Variants in KDM6A observed in about 807,000 individuals in gnomAD.
KDM6A encodes the protein lysine demethylase 6A.
Under a neutral mutation model 117.6 loss-of-function variants are expected in KDM6A, and 11 were observed. The ratio of observed to expected loss-of-function variants is 0.09; its 90% CI spans 0.06 to 0.15. The LOEUF (loss-of-function observed/expected upper bound fraction) is 0.15, where lower values mean the gene tolerates loss of function less well. Ranked by LOEUF, KDM6A falls within the 10% of genes least tolerant of loss-of-function variation. The pLI, the probability that KDM6A is intolerant of heterozygous loss-of-function variation, is 1.00. For synonymous variants in KDM6A, 384 were observed against 396.1 expected, an observed-to-expected ratio of 0.97 and a Z score of 0.36; for missense variants, 799 against 1,077.3, an observed-to-expected ratio of 0.74 and a Z score of 3.62.
intron 3 of KDM6A, among the ~76,000 whole-genome samples, chrX:44,966,262 C>T (rs2039005666): frequency 9.1e-6 from 1 of 110,479 alleles, no homozygotes; most frequent in Non-Finnish European, 1.9e-5. Context: ...CTACCTCAGC[C>T]TCCTGAGTAG....
intron 2 of KDM6A, among the ~76,000 whole-genome samples, chrX:44,920,944 G>T (rs1190633523): frequency 1.0e-5 from 1 of 97,535 alleles, no homozygotes; most frequent in African/African-American, 3.8e-5. Flanking sequence ...GTGTGATTTC[G>T]GCTCGCTGCA....
intron 18 of KDM6A, among the ~76,000 whole-genome samples, chrX:45,073,151 C>T (rs146073032): frequency 0.037 from 4,133 of 110,585 alleles, 203 homozygotes; most frequent in African/African-American, 0.13. Context: ...TGATAATTTG[C>T]TCAGAATGAT....
In KDM6A at chrX:44,963,440, AGTGTGTGTGTGTGT is replaced by A. The variant is rs747821170; in HGVS notation, c.334+2081_334+2094del. ...CACTGCACTCCAGCCAGGGTGACAG[AGTGTGTGTGTGTGT>A]GTGTGTGTGTGTGTGTGTGTGTGTG... On this transcript the variant is annotated intron_variant, in intron 3 of 29. Coordinates refer to ENST00000611820, the MANE Select transcript of KDM6A (RefSeq NM_001291415.2). Among the ~76,000 whole-genome samples, 138 of 69,881 alleles carry A rather than the reference AGTGTGTGTGTGTGT, an allele frequency of 2.0e-3. 2 individuals carry two copies. Among genetic ancestry groups the A allele is most frequent in the African/African-American group, 7.0e-3 (121 of 17,197 alleles). 60.7% of individuals were successfully genotyped at this position (69,881 alleles called of 115,157 possible).
chrX:45,092,098 C>G (rs931254712), intron 27 of KDM6A, among the ~76,000 whole-genome samples: 1 of 110,592 alleles, frequency 9.0e-6, no homozygotes, highest in Admixed American at 9.6e-5. Flanking sequence ...ACCATACTCT[C>G]GATAAATATA....
intron 2 of KDM6A, among the ~76,000 whole-genome samples, chrX:44,876,413 C>T (rs1294109700): frequency 9.0e-6 from 1 of 111,222 alleles, no homozygotes; most frequent in African/African-American, 3.3e-5. Flanking sequence ...TTTTAACAGT[C>T]CTCGAAGCAG....
At chrX:45,059,809 G>A (rs2044226772) in intron 12 of KDM6A, among the ~76,000 whole-genome samples, 1 of 111,648 alleles carries the variant, frequency 9.0e-6, no homozygotes, top group Admixed American at 9.5e-5. Flanking sequence ...AGACAGCTAT[G>A]AGAACTCTGA....
intron 4 of KDM6A, among the ~76,000 whole-genome samples, chrX:44,995,506 G>T (rs1444540119): frequency 9.1e-6 from 1 of 110,299 alleles, no homozygotes; most frequent in Non-Finnish European, 1.9e-5. Flanking sequence ...GTCTTGCTCT[G>T]TCTCCCCCAG....
chrX:44,990,928 T>A (rs1432067478), intron 4 of KDM6A, among the ~76,000 whole-genome samples: 1 of 112,423 alleles, frequency 8.9e-6, no homozygotes, highest in Non-Finnish European at 1.9e-5. Context: ...TCTCATCTTG[T>A]ATTTTCTGAA....
At chrX:45,003,394 CTTTT>C (rs397896934) in intron 4 of KDM6A, among the ~76,000 whole-genome samples, 3,863 of 75,480 alleles carry the variant, frequency 0.051, 73 homozygotes, top group Middle Eastern at 0.11. Flanking sequence ...AATTATCCTT[CTTTT>C]TTTTTTTTTT....
chrX:44,880,155 A>C (rs1267153928), intron 2 of KDM6A, among the ~76,000 whole-genome samples: 1 of 102,439 alleles, frequency 9.8e-6, no homozygotes, highest in East Asian at 3.0e-4. Context: ...CCTGGGCGAC[A>C]GAGCGAGACT....
At chrX:45,021,092 T>G (rs2042152844) in intron 6 of KDM6A, among the ~76,000 whole-genome samples, 1 of 111,617 alleles carries the variant, frequency 9.0e-6, no homozygotes, top group Non-Finnish European at 1.9e-5. Flanking sequence ...TGAAAGGATG[T>G]TTTTCTGTGA....
chrX:44,893,996 G>A, intron 2 of KDM6A, among the ~76,000 whole-genome samples: 1 of 111,589 alleles, frequency 9.0e-6, no homozygotes, highest in Non-Finnish European at 1.9e-5. Flanking sequence ...AATTGGTCAT[G>A]GCATATACTT....
intron 2 of KDM6A, among the ~76,000 whole-genome samples, chrX:44,879,144 CTT>C (rs973110107): frequency 3.6e-5 from 4 of 112,210 alleles, no homozygotes; most frequent in African/African-American, 6.5e-5. Flanking sequence ...CAGAGTAAGT[CTT>C]TTTCTGACTT....
intron 4 of KDM6A, among the ~76,000 whole-genome samples, chrX:44,989,913 G>C (rs1301749632): frequency 1.8e-5 from 2 of 111,664 alleles, no homozygotes; most frequent in Non-Finnish European, 3.8e-5. Context: ...TGTACCAAGA[G>C]GCAAGATCAG....
chrX:44,902,355 T>G (rs2034402621), intron 2 of KDM6A, among the ~76,000 whole-genome samples: 2 of 111,697 alleles, frequency 1.8e-5, no homozygotes, highest in African/African-American at 6.5e-5. Context: ...TTTCATCATA[T>G]CATCATCTGT....
intron 18 of KDM6A, among the ~76,000 whole-genome samples, chrX:45,074,039 A>G (rs2044993289): frequency 8.9e-6 from 1 of 111,921 alleles, no homozygotes; most frequent in South Asian, 3.7e-4. Flanking sequence ...TCCATCTTGA[A>G]TTAATTTTTG....
chrX:45,044,368 T>G lies in KDM6A; in HGVS notation c.654+6679T>G, dbSNP rs995019255. On this transcript the variant is annotated intron_variant, in intron 8 of 29. Transcript: ENST00000611820. ...GAGCAGTTCACTATCTTGATTCTTA[T>G]AGCCTTTAAGGTTTCAAGATAGAGG... 2.7e-5 allele frequency among the ~76,000 whole-genome samples: 3 copies of G among 111,986 alleles called. No individual in the cohort carries two copies. The Admixed American group carries it at 2.8e-4, about 11-fold the overall frequency.
chrX:44,953,486 A>G (rs1207079088), intron 2 of KDM6A, among the ~76,000 whole-genome samples: 1 of 112,355 alleles, frequency 8.9e-6, no homozygotes, highest in East Asian at 2.8e-4. Context: ...ATCTGAAGCA[A>G]GTCACAAAAC....
intron 3 of KDM6A, among the ~76,000 whole-genome samples, chrX:44,963,473 G>GTGTGTC (rs1556012261): frequency 3.8e-3 from 135 of 35,740 alleles, no homozygotes; most frequent in African/African-American, 8.4e-3. Context: ...GTGTGTGTGT[G>GTGTGTC]TGTGTGTGTG....
Sources: allele counts gnomAD v4.1 joint callset (sites outside exome capture counted in the v4.1 genomes callset), GRCh38; gene constraint gnomAD v4.1.1; transcripts MANE v1.5; gene names NCBI Gene and HGNC (gene_info 2026-07-23, HGNC 2026-07-21).